GFI1B: variants seen among roughly 807,000 people sequenced by gnomAD.
The protein encoded by GFI1B is growth factor independent 1B transcriptional repressor.
GFI1B carries 20 observed loss-of-function variants against 35.3 expected under a neutral mutation model. The ratio of observed to expected loss-of-function variants is 0.57; its 90% CI spans 0.40 to 0.82. The LOEUF is 0.82. Among genes scored for constraint, GFI1B ranks in the 40% least tolerant of loss-of-function variants. The probability of loss-of-function intolerance (pLI) is 0.00; values close to 1 mark genes in which losing one functional copy is unlikely to be tolerated. For missense variants in GFI1B, 430 were observed against 446.3 expected, an observed-to-expected ratio of 0.96 and a Z score of 0.33; for synonymous variants, 178 against 177.6, an observed-to-expected ratio of 1.00 and a Z score of -0.02.
At chr9:132,957,529 G>C (rs1848299715) in intron 1 of GFI1B, among the ~76,000 whole-genome samples, 1 of 152,230 alleles carries the variant, frequency 6.6e-6, no homozygotes, top group Admixed American at 6.5e-5. Flanking sequence ...GAACTCAGTA[G>C]TGAACAAGAG....
intron 1 of GFI1B, among the ~76,000 whole-genome samples, chr9:132,947,664 C>A (rs1473728884): frequency 6.6e-6 from 1 of 151,818 alleles, no homozygotes; most frequent in Non-Finnish European, 1.5e-5. Context: ...CAAAAATTAG[C>A]CAGGCGTGGT....
At chr9:132,958,016 C>T (rs1244074295) in intron 1 of GFI1B, among the ~76,000 whole-genome samples, 5 of 152,160 alleles carry the variant, frequency 3.3e-5, no homozygotes, top group Admixed American at 6.5e-5. Flanking sequence ...GGATAATCAA[C>T]GTCTGAGTCA....
Position 132,989,968 on chromosome 9 carries a change from A to T in GFI1B, c.814+61A>T. 4 of 1,477,924 alleles carry T rather than the reference A, an allele frequency of 2.7e-6. No individual in the cohort carries two copies. The highest frequency in any genetic ancestry group is 1.1e-5 in the South Asian group (1 of 87,760). 91.6% of individuals were successfully genotyped at this position (1,477,924 alleles called of 1,614,324 possible). A position where few individuals can be genotyped will look rare whatever the true frequency, so the allele number is the denominator to read the frequency against. On this transcript the variant is annotated intron_variant, in intron 6 of 6. Transcript: ENST00000372122. This position sits in a 1 kb window ranked among gnomAD's most constrained non-coding sequence, Gnocchi z 6.2. ...GAGCACCCCCACCTTTCCCTGAGAG[A>T]TGCATCAGAGGCCCCCAGCGTGAGG...
At chr9:132,954,475 T>A (rs1244546665) in intron 1 of GFI1B, among the ~76,000 whole-genome samples, 2 of 149,596 alleles carry the variant, frequency 1.3e-5, no homozygotes, top group African/African-American at 4.9e-5. Context: ...CTCAGGAGGC[T>A]GAGGCAAGAG....
chr9:132,965,785 C>G (rs1036612142), intron 1 of GFI1B, among the ~76,000 whole-genome samples: 15 of 152,184 alleles, frequency 9.9e-5, no homozygotes, highest in Non-Finnish European at 4.4e-5. Context: ...ACCTTGATTT[C>G]CGACTTCCAG....
intron 1 of GFI1B, among the ~76,000 whole-genome samples, chr9:132,979,258 T>G: frequency 7.0e-6 from 1 of 143,612 alleles, no homozygotes; most frequent in East Asian, 2.0e-4. Flanking sequence ...TTTTTTTTTT[T>G]TTTTTTTTTT....
rs758146973 is a variant in GFI1B at position 132,986,777 on chromosome 9, G to A, written c.99G>A (p.Pro33=). The A allele has an allele frequency of 8.7e-6, 14 of 1,602,692 alleles. No homozygotes were observed. Among genetic ancestry groups the A allele is most frequent in the African/African-American group, 2.7e-5 (2 of 74,738 alleles). ...CGCTCTGGCCTCCTGCCCTTACCCC[G>A]GGTGAGTCAGAGCCCGGGCTGGCGC... The part of the protein sequence containing the change: ...DEPLWPPALT[P]VPRDQAPSNS... The change falls in exon 2 of 7, where the codon CCG becomes CCA. Residue 33 remains proline, a splice_region_variant and synonymous_variant. Coordinates refer to ENST00000372122, the MANE Select transcript of GFI1B (RefSeq NM_001377304.1).
Position 132,991,021 on chromosome 9 carries a change from C to T in GFI1B, c.964C>T (p.His322Tyr), listed in dbSNP as rs777505501. ...CCAGCGCAAGGTGGACCTGCGGCGG[C>T]ACCGCGAGAGCCAGCACAATCTCAA... ...GFQRKVDLRR[H>Y]RESQHNLK Residue 322 changes from histidine (H) to tyrosine (Y), a missense_variant, in exon 7 of 7, where the codon CAC becomes TAC. Physicochemically the swap from His to Tyr is moderately conservative, Grantham distance 83 (BLOSUM62 2). Coordinates refer to ENST00000372122, the MANE Select transcript of GFI1B (RefSeq NM_001377304.1). 1 of 1,614,014 alleles carries T rather than the reference C, an allele frequency of 6.2e-7. No individual in the cohort carries two copies.
intron 1 of GFI1B, among the ~76,000 whole-genome samples, chr9:132,983,190 CTTTT>C (rs66711864): frequency 3.0e-5 from 3 of 98,620 alleles, no homozygotes; most frequent in Non-Finnish European, 3.8e-5. Flanking sequence ...TTTCTCCCTC[CTTTT>C]TTTTTTTTTT....
chr9:132,986,822 C>T, intron 2 of GFI1B, 44 bp downstream of exon 2: 1 of 1,198,814 alleles, frequency 8.3e-7, no homozygotes, highest in Non-Finnish European at 1.2e-6. Flanking sequence ...CCACGGGGGG[C>T]TCTCTGCTCT....
intron 1 of GFI1B, chr9:132,946,536 G>A (rs1848106377): frequency 6.6e-6 from 1 of 152,266 alleles, no homozygotes; most frequent in Non-Finnish European, 1.5e-5. Context: ...TGGAAAGGTC[G>A]AGGGAAACGG....
chr9:132,989,929 GT>G lies in GFI1B; in HGVS notation c.814+23del. The G allele has an allele frequency of 6.2e-7, 1 of 1,609,360 alleles. No homozygotes were observed. Among genetic ancestry groups the G allele is most frequent in the East Asian group, 2.2e-5 (1 of 44,874 alleles). On this transcript the variant is annotated intron_variant, in intron 6 of 6. Transcript: ENST00000372122. This position sits in a 1 kb window ranked among gnomAD's most constrained non-coding sequence, Gnocchi z 6.2. ...ACAGGTGAGTGAGTCTCACCTGCCT[GT>G]GCCCCCTGGGCAGAGCACCCCCACC...
chr9:132,978,772 C>T lies in GFI1B; in HGVS notation c.-90C>T, dbSNP rs963101216. The T allele has an allele frequency of 6.6e-6, 1 of 152,296 alleles. No homozygotes were observed. The highest frequency in any genetic ancestry group is 1.5e-5 in the Non-Finnish European group (1 of 68,086). The allele number at this position is 152,296 out of a possible 1,614,324, so 9.4% of individuals were successfully genotyped here. On this transcript the variant is annotated 5_prime_UTR_variant, in exon 1 of 7. Coordinates refer to ENST00000372122, the MANE Select transcript of GFI1B (RefSeq NM_001377304.1). ...CAGTTGACAGAGTGGAGGCCAGTCC[C>T]GAGAGAGGCTTTGCAGTTCCCACCT...
rs148942139 is a variant in GFI1B, at chr9:132,988,204, C to A, written c.246C>A (p.Pro82=). ...GTGTCGTTATCTCCACAGAGGGCCC[C>A]ATTGTGCTGTCCCGACCCCAGGATG... ...LARMAPAPEG[P]IVLSRPQDGD... Residue 82 remains proline (P), a synonymous_variant, in exon 4 of 7, where the codon CCC becomes CCA. Coordinates refer to ENST00000372122, the MANE Select transcript of GFI1B (RefSeq NM_001377304.1). 6.2e-7 allele frequency: 1 copy of A among 1,614,022 alleles called. No homozygotes were observed. The highest frequency in any genetic ancestry group is 8.5e-7 in the Non-Finnish European group (1 of 1,179,876).
intron 2 of GFI1B, among the ~76,000 whole-genome samples, chr9:132,973,104 G>A (rs1193027576): frequency 6.6e-6 from 1 of 152,176 alleles, no homozygotes; most frequent in Admixed American, 6.5e-5. Context: ...AGCCCCTGGA[G>A]GGCAGGGACC....
chr9:132,989,963 G>A lies in GFI1B; in HGVS notation c.814+56G>A, dbSNP rs913577464. 3.3e-6 allele frequency: 5 copies of A among 1,511,540 alleles called. No individual in the cohort carries two copies. The African/African-American group carries it at 4.1e-5, about 12-fold the overall frequency. 93.6% of individuals were successfully genotyped at this position (1,511,540 alleles called of 1,614,324 possible). Reference sequence around the variant, plus strand: ...GGGCAGAGCACCCCCACCTTTCCCTGAGAGATGCATCAGAGGCCCCCAGCG... The same window carrying A: ...GGGCAGAGCACCCCCACCTTTCCCTAAGAGATGCATCAGAGGCCCCCAGCG... On this transcript the variant is annotated intron_variant, in intron 6 of 6. Coordinates refer to ENST00000372122, the MANE Select transcript of GFI1B (RefSeq NM_001377304.1). This position sits in a 1 kb window ranked among gnomAD's most constrained non-coding sequence, Gnocchi z 6.2.
Position 132,991,116 on chromosome 9 carries a change from A to G in GFI1B, c.*66A>G, listed in dbSNP as rs1003657284. ...GTCCTGTCACCTGGAGGCCAGCCTC[A>G]CATGCCCAAATCTCCAGTCTCCTGG... On this transcript the variant is annotated 3_prime_UTR_variant, in exon 7 of 7. Coordinates refer to ENST00000372122, the MANE Select transcript of GFI1B (RefSeq NM_001377304.1). 4 of 1,411,840 alleles carry G rather than the reference A, an allele frequency of 2.8e-6. No homozygotes were observed. The Admixed American group carries it at 6.8e-5, about 24-fold the overall frequency. The allele number at this position is 1,411,840 out of a possible 1,614,324, so 87.5% of individuals were successfully genotyped here.
At chr9:132,990,008 T>G (rs1849232685) in intron 6 of GFI1B, 101 bp downstream of exon 6, 1 of 1,089,144 alleles carries the variant, frequency 9.2e-7, no homozygotes, top group Admixed American at 2.0e-5. Flanking sequence ...GGGCGGGGTC[T>G]AGTTACAAAG....
At position 132,949,324 on chromosome 9, in the gene GFI1B, T is replaced by TACAC. The variant is rs60835289; in HGVS notation, c.-701+3669_-701+3672dup. Reference sequence around the variant, plus strand: ...ACACACATCAAGCCAAACCCACAGATACACACACACACACACATACACACA... The same window carrying TACAC: ...ACACACATCAAGCCAAACCCACAGATACACACACACACACACACACATACACACA... On this transcript the variant is annotated intron_variant, in intron 1 of 10. Transcript: ENST00000339463. 1.9e-4 allele frequency among the ~76,000 whole-genome samples: 26 copies of TACAC among 138,054 alleles called. 1 individual carries two copies. Among genetic ancestry groups the TACAC allele is most frequent in the South Asian group, 7.1e-4 (3 of 4,234 alleles). The allele number at this position is 138,054 out of a possible 152,430, so 90.6% of individuals were successfully genotyped here.
Sources: gnomAD v4.1 joint callset for allele counts (sites outside exome capture counted in the v4.1 genomes callset) on GRCh38, gnomAD v4.1.1 for gene constraint, Gnocchi (gnomAD v3.1) non-coding constraint, MANE v1.5 for transcripts, NCBI Gene and HGNC (gene_info 2026-07-23, HGNC 2026-07-21) for gene names.